Variants in MACROD2 observed in about 807,000 individuals in gnomAD.
The protein encoded by MACROD2 is ADP-ribose glycohydrolase MACROD2.
In MACROD2, 36 loss-of-function variants were observed where a neutral mutation model predicts 70.4. That is an observed-to-expected ratio of 0.51 (90% CI 0.39 to 0.68). The LOEUF (loss-of-function observed/expected upper bound fraction) is 0.68, where lower values mean the gene tolerates loss of function less well. Among genes scored for constraint, MACROD2 ranks in the 30% least tolerant of loss-of-function variants. MACROD2 has a pLI of 0.00. For missense variants in MACROD2, 496 were observed against 538.4 expected, an observed-to-expected ratio of 0.92 and a Z score of 0.78; for synonymous variants, 172 against 178.8, an observed-to-expected ratio of 0.96 and a Z score of 0.30.
chr20:15,637,778 T>C (rs940139127), intron 8 of MACROD2, among the ~76,000 whole-genome samples: 3 of 152,198 alleles, frequency 2.0e-5, no homozygotes, highest in Non-Finnish European at 4.4e-5. Context: ...TCTTCCATGA[T>C]TGTCACATAC....
At chr20:14,416,527 T>C (rs80341320) in intron 3 of MACROD2, among the ~76,000 whole-genome samples, 3,447 of 152,300 alleles carry the variant, frequency 0.023, 130 homozygotes, top group African/African-American at 0.078. Context: ...AAATAAGGGA[T>C]GAAACCATGA....
At chr20:14,132,998 A>G (rs1483446015) in intron 3 of MACROD2, among the ~76,000 whole-genome samples, 1 of 151,580 alleles carries the variant, frequency 6.6e-6, no homozygotes, top group Non-Finnish European at 1.5e-5. Context: ...GAAACATAAC[A>G]TATGTGTGTG....
intron 8 of MACROD2, among the ~76,000 whole-genome samples, chr20:15,824,265 G>A (rs142379623): frequency 0.02 from 3,094 of 152,070 alleles, 43 homozygotes; most frequent in South Asian, 0.082. Context: ...CTCTGTGTGC[G>A]TGTGTGTGTT....
At chr20:14,586,944 T>A (rs961398930) in intron 4 of MACROD2, among the ~76,000 whole-genome samples, 1 of 151,908 alleles carries the variant, frequency 6.6e-6, no homozygotes, top group Non-Finnish European at 1.5e-5. Flanking sequence ...CATAATATAT[T>A]TTTTTTCAGA....
chr20:15,719,809 A>G (rs1295918868), intron 8 of MACROD2, among the ~76,000 whole-genome samples: 4 of 152,128 alleles, frequency 2.6e-5, no homozygotes, highest in Non-Finnish European at 5.9e-5. Context: ...GGAACATTCA[A>G]AATTCTCTCT....
rs557176184 is a variant in MACROD2, at chr20:14,236,815, T to C, written c.271+151087T>C. Among the ~76,000 whole-genome samples, 112 of 152,278 alleles carry C rather than the reference T, an allele frequency of 7.4e-4. 1 individual carries two copies. The highest frequency in any genetic ancestry group is 2.6e-3 in the African/African-American group (106 of 41,568). ...CTTGTATCAACCATCATGTTTAGCA[T>C]TTTAGATACACCATATTTTAAACTA... On this transcript the variant is annotated intron_variant, in intron 3 of 17. Coordinates refer to ENST00000684519, the MANE Select transcript of MACROD2 (RefSeq NM_001351661.2).
chr20:15,418,643 C>T (rs962976343), intron 6 of MACROD2, among the ~76,000 whole-genome samples: 2 of 152,110 alleles, frequency 1.3e-5, no homozygotes, highest in African/African-American at 4.8e-5. Context: ...TTAAGAAAAC[C>T]AGGGATTGAC....
intron 3 of MACROD2, among the ~76,000 whole-genome samples, chr20:14,095,910 C>T (rs1370612075): frequency 2.0e-5 from 3 of 152,120 alleles, no homozygotes; most frequent in Non-Finnish European, 2.9e-5. Context: ...AGGATTATAT[C>T]CAAATATTTT....
chr20:15,941,037 G>C (rs139622690), intron 12 of MACROD2, among the ~76,000 whole-genome samples: 1 of 152,156 alleles, frequency 6.6e-6, no homozygotes, highest in Non-Finnish European at 1.5e-5. Flanking sequence ...CACCTTCACA[G>C]AAGCACACTG....
intron 5 of MACROD2, among the ~76,000 whole-genome samples, chr20:15,023,264 C>T (rs2075203283): frequency 6.6e-6 from 1 of 152,156 alleles, no homozygotes; most frequent in African/African-American, 2.4e-5. Context: ...TAAGACCATT[C>T]AAATACTTTT....
intron 4 of MACROD2, among the ~76,000 whole-genome samples, chr20:14,588,931 TA>T (rs1371722569): frequency 2.6e-5 from 4 of 152,318 alleles, no homozygotes; most frequent in African/African-American, 9.6e-5. Context: ...CAATAATTAT[TA>T]GACATTTAAA....
chr20:14,022,126 T>C lies in MACROD2; in HGVS notation c.163+19722T>C, dbSNP rs564877165. On this transcript the variant is annotated intron_variant, in intron 2 of 17. Coordinates refer to ENST00000684519, the MANE Select transcript of MACROD2 (RefSeq NM_001351661.2). ...TGATTTTGGCGAATAGCTAGTAATT[T>C]AACCCATATCAATTGCACACAGAAC... Among the ~76,000 whole-genome samples the C allele has an allele frequency of 3.9e-5, 6 of 152,324 alleles. No individual in the cohort carries two copies. The South Asian group carries it at 1.2e-3, about 32-fold the overall frequency.
intron 2 of MACROD2, among the ~76,000 whole-genome samples, chr20:14,033,306 C>T (rs998151902): frequency 6.6e-6 from 1 of 151,774 alleles, no homozygotes; most frequent in Non-Finnish European, 1.5e-5. Context: ...TTTATTAACT[C>T]TTGTGTCAGT....
At chr20:14,470,866 G>A (rs974834425) in intron 3 of MACROD2, among the ~76,000 whole-genome samples, 1 of 152,144 alleles carries the variant, frequency 6.6e-6, no homozygotes, top group Non-Finnish European at 1.5e-5. Context: ...GGGCTCTGTG[G>A]GGGTGGGATC....
At chr20:15,582,515 A>G (rs1372669874) in intron 8 of MACROD2, among the ~76,000 whole-genome samples, 1 of 152,220 alleles carries the variant, frequency 6.6e-6, no homozygotes, top group African/African-American at 2.4e-5. Context: ...AATGCAGATT[A>G]TATAAACATA....
At chr20:14,213,361 CA>C (rs60009822) in intron 3 of MACROD2, among the ~76,000 whole-genome samples, 3 of 30,260 alleles carry the variant, frequency 9.9e-5, no homozygotes, top group East Asian at 1.2e-3. Flanking sequence ...CTTCTAGTGG[CA>C]AAAAAAAAAA....
chr20:15,763,704 C>G (rs567476015), intron 8 of MACROD2, among the ~76,000 whole-genome samples: 2 of 151,940 alleles, frequency 1.3e-5, no homozygotes, highest in Non-Finnish European at 2.9e-5. Context: ...AGATTTTTGT[C>G]TCAATGTTCT....
chr20:14,443,638 C>T (rs1273651267), intron 3 of MACROD2, among the ~76,000 whole-genome samples: 1 of 152,054 alleles, frequency 6.6e-6, no homozygotes, highest in Non-Finnish European at 1.5e-5. Context: ...GGGTATTCAG[C>T]TTCTTTTTAT....
intron 6 of MACROD2, among the ~76,000 whole-genome samples, chr20:15,328,530 C>G (rs537386007): frequency 6.6e-6 from 1 of 152,164 alleles, no homozygotes; most frequent in South Asian, 2.1e-4. Flanking sequence ...AGACACAGAC[C>G]TAGAATTGTC....
Sources: gnomAD v4.1 joint callset for allele counts (sites outside exome capture counted in the v4.1 genomes callset) on GRCh38, gnomAD v4.1.1 for gene constraint, MANE v1.5 for transcripts, NCBI Gene and HGNC (gene_info 2026-07-23, HGNC 2026-07-21) for gene names.